The following ZYG11B variants were observed in gnomAD, a reference collection of about 807,000 sequenced individuals.
ZYG11B encodes zyg-11 family member B, cell cycle regulator.
ZYG11B carries 36 observed loss-of-function variants against 82.4 expected under a neutral mutation model. That is an observed-to-expected ratio of 0.44 (90% CI 0.33 to 0.58). ZYG11B has a LOEUF of 0.58. Ranked by LOEUF, ZYG11B falls within the 20% of genes least tolerant of loss-of-function variation. The pLI, the probability that ZYG11B is intolerant of heterozygous loss-of-function variation, is 0.02. For missense variants in ZYG11B, 552 were observed against 895.6 expected, an observed-to-expected ratio of 0.62 and a Z score of 4.90; for synonymous variants, 303 against 312.8, an observed-to-expected ratio of 0.97 and a Z score of 0.33.
At position 52,779,936 on chromosome 1, in the gene ZYG11B, A is replaced by G. The variant is rs1240305457; in HGVS notation, c.1035A>G (p.Leu345=). ...GGGCATTCTTTGTTCGGGAAGCTCT[A>G]TTTCATCTTTTTAGTCTGACTCATG... ...SERAFFVREA[L]FHLFSLTHVM... is the part of the protein sequence containing the mutation. Residue 345 remains leucine, a synonymous_variant, in exon 4 of 14, where the codon CTA becomes CTG. Transcript: ENST00000294353. 5 of 1,614,192 alleles carry G rather than the reference A, an allele frequency of 3.1e-6. No homozygotes were observed. The highest frequency in any genetic ancestry group is 1.7e-5 in the Admixed American group (1 of 60,018).
intron 8 of ZYG11B, among the ~76,000 whole-genome samples, chr1:52,801,281 G>C (rs1443556860): frequency 2.0e-5 from 3 of 151,194 alleles, no homozygotes; most frequent in Non-Finnish European, 4.4e-5. Flanking sequence ...ATTGTATGTA[G>C]TTTTTCCTTT....
At chr1:52,760,004 T>C (rs934120281) in intron 2 of ZYG11B, among the ~76,000 whole-genome samples, 5 of 152,168 alleles carry the variant, frequency 3.3e-5, no homozygotes, top group Non-Finnish European at 5.9e-5. Context: ...ATAATTTTTG[T>C]ATTTTTTTTA....
intron 8 of ZYG11B, among the ~76,000 whole-genome samples, chr1:52,798,151 G>T (rs548481352): frequency 8.6e-5 from 13 of 151,394 alleles, no homozygotes; most frequent in African/African-American, 1.2e-4. Flanking sequence ...TTTTTTTTTG[G>T]TTATTTGTAA....
intron 5 of ZYG11B, among the ~76,000 whole-genome samples, chr1:52,787,693 T>A (rs1432692028): frequency 6.6e-6 from 1 of 152,254 alleles, no homozygotes; most frequent in Admixed American, 6.5e-5. Context: ...CCAAGTGATT[T>A]GTATACACAT....
intron 1 of ZYG11B, among the ~76,000 whole-genome samples, chr1:52,737,886 G>A (rs1159580081): frequency 6.6e-6 from 1 of 152,236 alleles, no homozygotes; most frequent in Non-Finnish European, 1.5e-5. Flanking sequence ...CTCTGTACAG[G>A]TCCCCTGAGG....
At position 52,794,254 on chromosome 1, in the gene ZYG11B, G is replaced by A. The variant is rs139951134; in HGVS notation, c.1335-2038G>A. On this transcript the variant is annotated intron_variant, in intron 6 of 13. Coordinates refer to ENST00000294353, the MANE Select transcript of ZYG11B (RefSeq NM_024646.3). ...CTCCCAAAGTGCTGGGATTACAGGC[G>A]TGAGCCACTGCTCCTGGCCAGAGGT... 6.8e-3 allele frequency among the ~76,000 whole-genome samples: 1,039 copies of A among 152,220 alleles called. 21 individuals are homozygous for A. Among genetic ancestry groups the A allele is most frequent in the African/African-American group, 0.024 (998 of 41,552 alleles).
At chr1:52,742,023 A>G (rs1644435077) in intron 1 of ZYG11B, among the ~76,000 whole-genome samples, 1 of 152,196 alleles carries the variant, frequency 6.6e-6, no homozygotes, top group Non-Finnish European at 1.5e-5. Flanking sequence ...TAATTTTTGT[A>G]GTCACCTGAT....
At chr1:52,732,843 G>A (rs1468846995) in intron 1 of ZYG11B, among the ~76,000 whole-genome samples, 2 of 151,528 alleles carry the variant, frequency 1.3e-5, no homozygotes, top group South Asian at 4.2e-4. Context: ...GCGTGGTGGC[G>A]GGTGCCTGTA....
At chr1:52,806,959 C>T (rs1200369077) in intron 10 of ZYG11B, among the ~76,000 whole-genome samples, 1 of 151,930 alleles carries the variant, frequency 6.6e-6, no homozygotes, top group Non-Finnish European at 1.5e-5. Context: ...ACCTCCACCT[C>T]CCGGGTTCAA....
chr1:52,743,480 C>G (rs975082750), intron 1 of ZYG11B, among the ~76,000 whole-genome samples: 1 of 145,356 alleles, frequency 6.9e-6, no homozygotes, highest in Non-Finnish European at 1.5e-5. Context: ...TAATTTATTA[C>G]TGAAGAAAGA....
rs1421137168 is a variant in ZYG11B, at chr1:52,783,850, ACGTGTGTG to A, written c.1093-1026_1093-1019del. ...TACATACGTGTGTATATGTACATAC[ACGTGTGTG>A]TGTATGTACATACACGTGTGTGTAT... On this transcript the variant is annotated intron_variant, in intron 4 of 13. Coordinates refer to ENST00000294353, the MANE Select transcript of ZYG11B (RefSeq NM_024646.3). Among the ~76,000 whole-genome samples, 6 of 142,972 alleles carry A rather than the reference ACGTGTGTG, an allele frequency of 4.2e-5. 1 individual carries two copies. The highest frequency in any genetic ancestry group is 1.5e-4 in the African/African-American group (5 of 34,018). 93.8% of individuals were successfully genotyped at this position (142,972 alleles called of 152,430 possible). A position where few individuals can be genotyped will look rare whatever the true frequency, so the allele number is the denominator to read the frequency against.
chr1:52,773,490 G>T (rs1381785004), intron 3 of ZYG11B, among the ~76,000 whole-genome samples: 2 of 143,498 alleles, frequency 1.4e-5, no homozygotes, highest in Non-Finnish European at 3.0e-5. Context: ...AAAAAAAAAA[G>T]AAAATGATAT....
intron 12 of ZYG11B, 57 bp from the exon 13 acceptor site, chr1:52,816,475 T>G: frequency 8.0e-7 from 1 of 1,247,782 alleles, no homozygotes; most frequent in Admixed American, 2.1e-5. Flanking sequence ...ATCACTGCTT[T>G]AGGAAATTAC....
Position 52,825,293 on chromosome 1 carries a change from G to C in ZYG11B, c.*3664G>C, listed in dbSNP as rs577780271. 2.2e-4 allele frequency: 33 copies of C among 151,940 alleles called. No homozygotes were observed. Among genetic ancestry groups the C allele is most frequent in the African/African-American group, 7.5e-4 (31 of 41,462 alleles). 9.4% of individuals were successfully genotyped at this position (151,940 alleles called of 1,614,324 possible). A position where few individuals can be genotyped will look rare whatever the true frequency, so the allele number is the denominator to read the frequency against. On this transcript the variant is annotated 3_prime_UTR_variant, in exon 14 of 14. Coordinates refer to ENST00000294353, the MANE Select transcript of ZYG11B (RefSeq NM_024646.3). ...AATAAAATAAATCAAGTGGTATAAG[G>C]GATTAGTTTACCCTCAAGCCGATGA...
At chr1:52,768,020 G>A (rs1207913120) in intron 2 of ZYG11B, among the ~76,000 whole-genome samples, 1 of 152,170 alleles carries the variant, frequency 6.6e-6, no homozygotes, top group Non-Finnish European at 1.5e-5. Context: ...CCTCCCCTGT[G>A]GGCAGATTGG....
At chr1:52,803,481 T>C (rs1380675849) in intron 10 of ZYG11B, among the ~76,000 whole-genome samples, 1 of 149,196 alleles carries the variant, frequency 6.7e-6, no homozygotes, top group African/African-American at 2.5e-5. Context: ...TGTGTGTGTG[T>C]GTGTATATAT....
intron 1 of ZYG11B, 79 bp from the exon 2 acceptor site, chr1:52,756,379 G>C: frequency 7.3e-7 from 1 of 1,374,072 alleles, no homozygotes; most frequent in Non-Finnish European, 1.0e-6. Context: ...ATGAGTAAAT[G>C]AATGTTTTGT....
intron 3 of ZYG11B, chr1:52,772,129 T>C: frequency 1.9e-6 from 2 of 1,056,204 alleles, no homozygotes; most frequent in Non-Finnish European, 1.5e-6. Flanking sequence ...ATATGGTTTT[T>C]TTGTTTTTGT....
At chr1:52,776,794 A>G (rs572196448) in intron 3 of ZYG11B, among the ~76,000 whole-genome samples, 2 of 152,260 alleles carry the variant, frequency 1.3e-5, no homozygotes, top group East Asian at 1.9e-4. Context: ...GGGTGATTCA[A>G]TGAACTGAAC....
Sources: gnomAD v4.1 joint callset for allele counts (sites outside exome capture counted in the v4.1 genomes callset) on GRCh38, gnomAD v4.1.1 for gene constraint, MANE v1.5 for transcripts, NCBI Gene and HGNC (gene_info 2026-07-23, HGNC 2026-07-21) for gene names.